INTU: variants seen among roughly 807,000 people sequenced by gnomAD.
INTU encodes protein inturned.
A neutral mutation model predicts 100.5 loss-of-function variants in INTU; 68 were observed. That is an observed-to-expected ratio of 0.68 (90% confidence interval 0.56 to 0.83). The LOEUF (loss-of-function observed/expected upper bound fraction) is 0.83. Ranked by LOEUF, INTU falls within the 40% of genes least tolerant of loss-of-function variation. The pLI is 0.00. For synonymous variants in INTU, 357 were observed against 395.7 expected, an observed-to-expected ratio of 0.90 and a Z score of 1.16; for missense variants, 1,071 against 1,114.7, an observed-to-expected ratio of 0.96 and a Z score of 0.56.
intron 11 of INTU, 84 bp from the exon 12 acceptor site, chr4:127,706,403 G>A (rs1349345763): frequency 5.1e-6 from 6 of 1,182,730 alleles, no homozygotes; most frequent in South Asian, 4.7e-5. Context: ...CTATGTCTTC[G>A]ATATTTATAA....
rs57211562 is a variant in INTU at position 127,695,650 on chromosome 4, A to G, written c.1450-4360A>G. Among the ~76,000 whole-genome samples, 1,521 of 152,298 alleles carry G rather than the reference A, an allele frequency of 1.0e-2. 20 individuals are homozygous for G. Among genetic ancestry groups the G allele is most frequent in the African/African-American group, 0.034 (1,416 of 41,560 alleles). Reference sequence around the variant, plus strand: ...TGTGTAAACAATCATGTCATCTATGAACAAAGACAGTTTATTTCTTCCTTC... The same window carrying G: ...TGTGTAAACAATCATGTCATCTATGGACAAAGACAGTTTATTTCTTCCTTC... On this transcript the variant is annotated intron_variant, in intron 8 of 15. Coordinates refer to ENST00000335251, the MANE Select transcript of INTU (RefSeq NM_015693.4).
At chr4:127,657,021 A>T (rs1178015504) in intron 3 of INTU, among the ~76,000 whole-genome samples, 1 of 152,126 alleles carries the variant, frequency 6.6e-6, no homozygotes, top group African/African-American at 2.4e-5. Context: ...GCTTGTGACA[A>T]TCTGGTTCCT....
At chr4:127,694,653 T>C (rs1045077432) in intron 8 of INTU, among the ~76,000 whole-genome samples, 1 of 152,188 alleles carries the variant, frequency 6.6e-6, no homozygotes, top group African/African-American at 2.4e-5. Context: ...GCATTTTACA[T>C]TTAGATATAT....
At chr4:127,710,391 TAA>T (rs1731050872) in intron 13 of INTU, among the ~76,000 whole-genome samples, 1 of 152,112 alleles carries the variant, frequency 6.6e-6, no homozygotes, top group Non-Finnish European at 1.5e-5. Context: ...ATTCAGTAAC[TAA>T]GTCCTACCCA....
chr4:127,652,476 A>G (rs1263720561), intron 2 of INTU, among the ~76,000 whole-genome samples: 11 of 83,926 alleles, frequency 1.3e-4, no homozygotes, highest in Non-Finnish European at 1.9e-4. Context: ...CTATTGAGAT[A>G]ATCATGTGGT....
intron 1 of INTU, among the ~76,000 whole-genome samples, chr4:127,639,396 T>C (rs1727211868): frequency 6.6e-6 from 1 of 152,160 alleles, no homozygotes; most frequent in Non-Finnish European, 1.5e-5. Flanking sequence ...ACTAAGTCTA[T>C]ACTCAAGGGG....
intron 2 of INTU, among the ~76,000 whole-genome samples, chr4:127,647,204 T>A (rs1727630565): frequency 6.6e-6 from 1 of 152,242 alleles, no homozygotes; most frequent in South Asian, 2.1e-4. Context: ...ATTGCTGCCG[T>A]GACAAATTAC....
intron 14 of INTU, among the ~76,000 whole-genome samples, chr4:127,711,358 G>T: frequency 6.6e-6 from 1 of 152,244 alleles, no homozygotes. Context: ...AAATACAGTC[G>T]TTTGTAATGT....
At chr4:127,667,075 TATTTAAGC>T (rs1386000548) in intron 4 of INTU, among the ~76,000 whole-genome samples, 1 of 152,174 alleles carries the variant, frequency 6.6e-6, no homozygotes, top group African/African-American at 2.4e-5. Context: ...ACAAATGAAA[TATTTAAGC>T]ATTTGTTATA....
chr4:127,664,503 G>C (rs1292422405), intron 4 of INTU, among the ~76,000 whole-genome samples: 1 of 151,806 alleles, frequency 6.6e-6, no homozygotes, highest in Non-Finnish European at 1.5e-5. Flanking sequence ...TTTCCCTCCA[G>C]TTCTAAATAT....
rs1460427421 is a variant in INTU at position 127,725,412 on chromosome 4, ATG to A, written c.*8978_*8979del. 6.6e-6 allele frequency: 1 copy of A among 152,224 alleles called. No homozygotes were observed. The highest frequency in any genetic ancestry group is 1.5e-5 in the Non-Finnish European group (1 of 68,048). The allele number at this position is 152,224 out of a possible 1,614,324, so 9.4% of individuals were successfully genotyped here. A position where few individuals can be genotyped will look rare whatever the true frequency, so the allele number is the denominator to read the frequency against. On this transcript the variant is annotated 3_prime_UTR_variant, in exon 16 of 16. Transcript: ENST00000335251. ...CTTAGGACTGCTTATTTACATATAT[ATG>A]TATTAAGACACTTTGGTTAAAACAA...
intron 13 of INTU, 99 bp from the exon 14 acceptor site, chr4:127,710,814 T>A: frequency 1.6e-6 from 1 of 643,160 alleles, no homozygotes; most frequent in East Asian, 2.9e-5. Context: ...ATATTGTAGA[T>A]AAAAGCTTAT....
chr4:127,719,094 T>C lies in INTU; in HGVS notation c.*2658T>C, dbSNP rs1430860452. The C allele has an allele frequency of 1.3e-5, 2 of 152,216 alleles. No individual in the cohort carries two copies. The highest frequency in any genetic ancestry group is 3.8e-4 in the East Asian group (2 of 5,196). The allele number at this position is 152,216 out of a possible 1,614,324, so 9.4% of individuals were successfully genotyped here. ...GGGGAGTGCTTCCAGCTTTTGCCCA[T>C]TCGGTATGATATTGGCTGTGAGTCT... On this transcript the variant is annotated 3_prime_UTR_variant, in exon 16 of 16. Transcript: ENST00000335251.
intron 15 of INTU, among the ~76,000 whole-genome samples, chr4:127,714,735 C>T (rs1222261067): frequency 6.6e-6 from 1 of 152,018 alleles, no homozygotes; most frequent in Non-Finnish European, 1.5e-5. Flanking sequence ...CCTTCTCCAC[C>T]CCCCACCCTC....
chr4:127,716,006 C>A (rs1731251054), intron 15 of INTU, among the ~76,000 whole-genome samples: 1 of 152,022 alleles, frequency 6.6e-6, no homozygotes, highest in Admixed American at 6.6e-5. Context: ...TACTTAATAA[C>A]TATTGTGCCT....
rs2148732488 is a variant in INTU, at chr4:127,706,736, C to G, written c.2038C>G (p.Leu680Val). The part of the protein sequence containing the change: ...SLTTSPILSR[L>V]QGTSKVATSP... Reference sequence around the variant, plus strand: ...GACCACTTCGCCTATTCTCAGTAGGCTACAAGGTACTTCCAAAGTAGCAAC... The same window carrying G: ...GACCACTTCGCCTATTCTCAGTAGGGTACAAGGTACTTCCAAAGTAGCAAC... The change falls in exon 12 of 16, where the codon CTA (leucine) becomes GTA (valine). Residue 680 changes from leucine (L) to valine (V), a missense_variant. Leu to Val is a conservative substitution (Grantham distance 32). Coordinates refer to ENST00000335251, the MANE Select transcript of INTU (RefSeq NM_015693.4). 1 of 1,614,106 alleles carries G rather than the reference C, an allele frequency of 6.2e-7. No homozygotes were observed. Among genetic ancestry groups the G allele is most frequent in the East Asian group, 2.2e-5 (1 of 44,888 alleles).
intron 8 of INTU, among the ~76,000 whole-genome samples, chr4:127,691,253 C>G (rs537623353): frequency 1.3e-5 from 2 of 152,064 alleles, no homozygotes; most frequent in Non-Finnish European, 2.9e-5. Flanking sequence ...TTTATCCATT[C>G]GCTGAAAATC....
At chr4:127,650,366 C>T (rs1727791198) in intron 2 of INTU, among the ~76,000 whole-genome samples, 1 of 116,042 alleles carries the variant, frequency 8.6e-6, no homozygotes, top group Non-Finnish European at 1.7e-5. Context: ...AATGCTATCC[C>T]TCCCCCCTCC....
chr4:127,684,265 C>T (rs766216922), intron 6 of INTU, 144 bp from the exon 7 acceptor site: 6 of 549,422 alleles, frequency 1.1e-5, no homozygotes, highest in African/African-American at 4.0e-5. Context: ...TCATTGAAAG[C>T]GACCATTTTG....
Sources: gnomAD v4.1 joint callset for allele counts (sites outside exome capture counted in the v4.1 genomes callset) on GRCh38, gnomAD v4.1.1 for gene constraint, MANE v1.5 for transcripts, NCBI Gene and HGNC (gene_info 2026-07-23, HGNC 2026-07-21) for gene names.